DDI2: variants seen among roughly 807,000 people sequenced by gnomAD.
DDI2 encodes the protein protein DDI1 homolog 2.
DDI2 carries 5 observed loss-of-function variants against 48.1 expected under a neutral mutation model. The observed-to-expected ratio is 0.10, with a 90% CI of 0.05 to 0.22. The LOEUF is 0.22. DDI2 is among the 10% of genes least tolerant of loss of function. DDI2 has a pLI of 1.00. For synonymous variants in DDI2, 205 were observed against 183.6 expected, an observed-to-expected ratio of 1.12 and a Z score of -0.94; for missense variants, 285 against 506.2, an observed-to-expected ratio of 0.56 and a Z score of 4.19.
intron 5 of DDI2, among the ~76,000 whole-genome samples, chr1:15,638,891 T>G (rs1403650614): frequency 6.6e-6 from 1 of 152,310 alleles, no homozygotes; most frequent in East Asian, 1.9e-4. Context: ...CTTTAATCAT[T>G]TCTTAACCAG....
chr1:15,635,334 TAG>T (rs1280134231), intron 4 of DDI2, among the ~76,000 whole-genome samples: 1 of 151,722 alleles, frequency 6.6e-6, no homozygotes, highest in Non-Finnish European at 1.5e-5. Context: ...AGAAGTGAAA[TAG>T]AGAGTGTCCA....
intron 1 of DDI2, among the ~76,000 whole-genome samples, chr1:15,620,707 T>C (rs1425324154): frequency 6.6e-6 from 1 of 152,228 alleles, no homozygotes; most frequent in Non-Finnish European, 1.5e-5. Flanking sequence ...ATTATATACA[T>C]GAACTGATAC....
intron 9 of DDI2, among the ~76,000 whole-genome samples, chr1:15,659,343 AT>A (rs1190395160): frequency 6.6e-6 from 1 of 152,190 alleles, no homozygotes. Context: ...GATTCTCAGG[AT>A]TTGTAATATC....
At chr1:15,622,280 T>C (rs1276174146) in intron 1 of DDI2, among the ~76,000 whole-genome samples, 1 of 150,606 alleles carries the variant, frequency 6.6e-6, no homozygotes, top group African/African-American at 2.4e-5. Flanking sequence ...TGCCTCTGCC[T>C]CCCAGAGTGT....
chr1:15,631,109 C>CT (rs1302417927), intron 3 of DDI2, among the ~76,000 whole-genome samples: 1 of 152,220 alleles, frequency 6.6e-6, no homozygotes, highest in Non-Finnish European at 1.5e-5. Flanking sequence ...TCCCAAAGTG[C>CT]TGGGATTACA....
chr1:15,631,806 TTTG>T (rs1639847544), intron 3 of DDI2, among the ~76,000 whole-genome samples: 1 of 151,904 alleles, frequency 6.6e-6, no homozygotes, highest in South Asian at 2.1e-4. Context: ...CGTGTTAGGC[TTTG>T]TTTTTTTTTT....
At chr1:15,636,961 AT>A (rs1639940322) in intron 4 of DDI2, among the ~76,000 whole-genome samples, 1 of 152,194 alleles carries the variant, frequency 6.6e-6, no homozygotes, top group Admixed American at 6.6e-5. Flanking sequence ...CCAACCCTGG[AT>A]TTACAGTGTA....
In DDI2 at chr1:15,661,313, A is replaced by G. The variant is rs147402037; in HGVS notation, c.*1523A>G. The G allele has an allele frequency of 2.0e-5, 33 of 1,613,934 alleles. No individual in the cohort carries two copies. The highest frequency in any genetic ancestry group is 1.9e-4 in the African/African-American group (14 of 74,920). On this transcript the variant is annotated 3_prime_UTR_variant, in exon 10 of 10. Coordinates refer to ENST00000480945, the MANE Select transcript of DDI2 (RefSeq NM_032341.5). Reference sequence around the variant, plus strand: ...ACTGTAACCTCAGCTAAAACATCCAATCAGTTACACTGCACCTTAGGTGTA... The same window carrying G: ...ACTGTAACCTCAGCTAAAACATCCAGTCAGTTACACTGCACCTTAGGTGTA...
intron 4 of DDI2, 82 bp from the exon 5 acceptor site, chr1:15,638,225 G>GT: frequency 6.3e-7 from 1 of 1,593,688 alleles, no homozygotes. Context: ...GTACAAATCT[G>GT]TTTTTTAATA....
chr1:15,624,944 T>A (rs1639729814), intron 1 of DDI2, among the ~76,000 whole-genome samples: 2 of 152,214 alleles, frequency 1.3e-5, no homozygotes. Flanking sequence ...GACTTAATAG[T>A]ATTTTTTTTC....
chr1:15,628,375 T>G (rs1158871508), intron 2 of DDI2, among the ~76,000 whole-genome samples: 1 of 152,228 alleles, frequency 6.6e-6, no homozygotes, highest in Non-Finnish European at 1.5e-5. Flanking sequence ...TGTTACATCA[T>G]GAGTTTAAGC....
intron 4 of DDI2, among the ~76,000 whole-genome samples, chr1:15,635,694 T>G (rs1019209916): frequency 2.6e-5 from 4 of 152,136 alleles, no homozygotes; most frequent in Non-Finnish European, 4.4e-5. Flanking sequence ...TGTGAGCCAC[T>G]GCGCCTGGCC....
intron 1 of DDI2, among the ~76,000 whole-genome samples, chr1:15,623,863 A>G (rs1457964142): frequency 6.6e-5 from 10 of 152,192 alleles, no homozygotes; most frequent in Non-Finnish European, 1.5e-5. Flanking sequence ...GATCGAGACC[A>G]TCCTGGCTAA....
In DDI2 at chr1:15,665,106, AC is replaced by A. The variant is rs1419756154; in HGVS notation, c.*5317del. ...GTGAAACTCCATCTCTACTAAAAAT[AC>A]AAAAATTAGCCGGGTGTGGTGGCCC... On this transcript the variant is annotated 3_prime_UTR_variant, in exon 10 of 10. Coordinates refer to ENST00000480945, the MANE Select transcript of DDI2 (RefSeq NM_032341.5). 1 of 152,302 alleles carries A rather than the reference AC, an allele frequency of 6.6e-6. No individual in the cohort carries two copies. The highest frequency in any genetic ancestry group is 2.4e-5 in the African/African-American group (1 of 41,432). The allele number at this position is 152,302 out of a possible 1,614,324, so 9.4% of individuals were successfully genotyped here.
rs761923967 is a variant in DDI2, at chr1:15,661,607, T to G, written c.*1817T>G. The G allele has an allele frequency of 1.2e-6, 2 of 1,614,210 alleles. No individual in the cohort carries two copies. The highest frequency in any genetic ancestry group is 1.7e-6 in the Non-Finnish European group (2 of 1,180,030). On this transcript the variant is annotated 3_prime_UTR_variant, in exon 10 of 10. Transcript: ENST00000480945. ...TTTCCTGCCACAGATATTGACCGCA[T>G]TCTCCGTGCTGGCTTTACTTTGCAG...
At chr1:15,655,752 CAAAA>C (rs111602583) in intron 8 of DDI2, among the ~76,000 whole-genome samples, 1 of 115,926 alleles carries the variant, frequency 8.6e-6, no homozygotes. Flanking sequence ...GACTCCTTCT[CAAAA>C]AAAAAAAAAA....
intron 6 of DDI2, among the ~76,000 whole-genome samples, chr1:15,643,912 G>A (rs927166582): frequency 4.6e-5 from 7 of 151,890 alleles, no homozygotes; most frequent in Admixed American, 1.3e-4. Context: ...ATCCCTTTCC[G>A]TCATTTTAGC....
intron 6 of DDI2, among the ~76,000 whole-genome samples, chr1:15,648,551 A>T (rs1640125375): frequency 6.6e-6 from 1 of 152,208 alleles, no homozygotes; most frequent in Non-Finnish European, 1.5e-5. Context: ...CTAGAAAAAC[A>T]TTGCCTTCTA....
At chr1:15,657,400 T>G (rs907737302) in intron 9 of DDI2, among the ~76,000 whole-genome samples, 3 of 152,242 alleles carry the variant, frequency 2.0e-5, no homozygotes, top group Non-Finnish European at 2.9e-5. Flanking sequence ...GTTTCTCTTC[T>G]TTCTTTCCTT....
Sources: allele counts gnomAD v4.1 joint callset (sites outside exome capture counted in the v4.1 genomes callset), GRCh38; gene constraint gnomAD v4.1.1; transcripts MANE v1.5; gene names NCBI Gene and HGNC (gene_info 2026-07-23, HGNC 2026-07-21).